Variants in CNTNAP2 observed in about 807,000 individuals in gnomAD.
CNTNAP2 encodes the protein contactin-associated protein-like 2.
In CNTNAP2, 98 loss-of-function variants were observed where a neutral mutation model predicts 155.2. The ratio of observed to expected loss-of-function variants is 0.63; its 90% CI spans 0.54 to 0.75. The LOEUF (loss-of-function observed/expected upper bound fraction) is 0.75, where lower values mean the gene tolerates loss of function less well. Ranked by LOEUF, CNTNAP2 falls within the 30% of genes least tolerant of loss-of-function variation. CNTNAP2 has a pLI of 0.00. For synonymous variants in CNTNAP2, 651 were observed against 631.2 expected (o/e 1.03, Z -0.47); for missense variants, 1,727 against 1,688.1 (o/e 1.02, Z -0.40).
chr7:148,027,249 A>G (rs775757913), intron 15 of CNTNAP2, among the ~76,000 whole-genome samples: 3 of 152,226 alleles, frequency 2.0e-5, no homozygotes, highest in Non-Finnish European at 2.9e-5. Flanking sequence ...TCAGATTAAT[A>G]TCTAGTTTTC....
intron 8 of CNTNAP2, among the ~76,000 whole-genome samples, chr7:147,299,902 G>A (rs975480774): frequency 6.6e-6 from 1 of 152,118 alleles, no homozygotes; most frequent in African/African-American, 2.4e-5. Context: ...GTACACAGCG[G>A]TATTAATACT....
At chr7:147,908,899 A>G (rs574013902) in intron 14 of CNTNAP2, among the ~76,000 whole-genome samples, 1 of 152,350 alleles carries the variant, frequency 6.6e-6, no homozygotes, top group East Asian at 1.9e-4. Context: ...GTGTGATCTA[A>G]GTCAGGATAT....
At chr7:147,855,833 G>A (rs1047457469) in intron 13 of CNTNAP2, among the ~76,000 whole-genome samples, 4 of 152,056 alleles carry the variant, frequency 2.6e-5, no homozygotes, top group East Asian at 1.9e-4. Flanking sequence ...ATTTCTGGTG[G>A]AGGCAACATT....
rs1800056722 is a variant in CNTNAP2, at chr7:148,419,112, CTT to C, written c.*3497_*3498del. 1 of 152,176 alleles carries C rather than the reference CTT, an allele frequency of 6.6e-6. No individual in the cohort carries two copies. The highest frequency in any genetic ancestry group is 2.4e-5 in the African/African-American group (1 of 41,454). The allele number at this position is 152,176 out of a possible 1,614,324, so 9.4% of individuals were successfully genotyped here. ...TCTTTTCTATCCTACTTTTTTCTCT[CTT>C]CCTCTCCTCACCACATTATACCCTG... On this transcript the variant is annotated 3_prime_UTR_variant, in exon 24 of 24. Transcript: ENST00000361727.
At chr7:146,465,134 CCA>C (rs35434111) in intron 1 of CNTNAP2, among the ~76,000 whole-genome samples, 25 of 149,526 alleles carry the variant, frequency 1.7e-4, no homozygotes, top group Admixed American at 4.0e-4. Flanking sequence ...CACACACACA[CCA>C]CACACACACA....
rs908738755 is a variant in CNTNAP2, at chr7:146,910,180, C to G, written c.402+70276C>G. Reference sequence around the variant, plus strand: ...GGATACAAAGAAATGGAAGAACATTCCATGCTCATGGGTAGGAAGAATCAA... The same window carrying G: ...GGATACAAAGAAATGGAAGAACATTGCATGCTCATGGGTAGGAAGAATCAA... On this transcript the variant is annotated intron_variant, in intron 3 of 23. Coordinates refer to ENST00000361727, the MANE Select transcript of CNTNAP2 (RefSeq NM_014141.6). Among the ~76,000 whole-genome samples, 693 of 137,062 alleles carry G rather than the reference C, an allele frequency of 5.1e-3. 14 individuals carry two copies. The highest frequency in any genetic ancestry group is 0.017 in the African/African-American group (633 of 38,012). The allele number at this position is 137,062 out of a possible 152,430, so 89.9% of individuals were successfully genotyped here. A position where few individuals can be genotyped will look rare whatever the true frequency, so the allele number is the denominator to read the frequency against.
At chr7:146,653,647 C>G (rs2129164291) in intron 1 of CNTNAP2, among the ~76,000 whole-genome samples, 1 of 152,198 alleles carries the variant, frequency 6.6e-6, no homozygotes, top group South Asian at 2.1e-4. Context: ...AAAAATGTTC[C>G]AATTCAAAAC....
rs929837851 is a variant in CNTNAP2 at position 146,539,322 on chromosome 7, A to G, written c.98-234949A>G. On this transcript the variant is annotated intron_variant, in intron 1 of 23. Transcript: ENST00000361727. ...GGAAGGGTTAATCAGCTTTTGGCAGAGATCAGCAAAATTTGCAAGCATTTT... is the reference window on the plus strand; with the variant it reads ...GGAAGGGTTAATCAGCTTTTGGCAGGGATCAGCAAAATTTGCAAGCATTTT... 2.0e-5 allele frequency among the ~76,000 whole-genome samples: 3 copies of G among 152,038 alleles called. No individual in the cohort carries two copies. The South Asian group carries it at 6.2e-4, about 32-fold the overall frequency.
At chr7:146,642,232 T>A (rs1323924644) in intron 1 of CNTNAP2, among the ~76,000 whole-genome samples, 1 of 151,890 alleles carries the variant, frequency 6.6e-6, no homozygotes, top group East Asian at 1.9e-4. Flanking sequence ...TATGTATACA[T>A]GTGCCATGCT....
chr7:148,328,460 C>T (rs1223446024), intron 21 of CNTNAP2, among the ~76,000 whole-genome samples: 10 of 152,120 alleles, frequency 6.6e-5, no homozygotes, highest in Non-Finnish European at 1.5e-4. Flanking sequence ...GTGCTGTTGT[C>T]GCATATGGCC....
intron 21 of CNTNAP2, among the ~76,000 whole-genome samples, chr7:148,302,803 C>T (rs200218504): frequency 6.9e-5 from 10 of 145,716 alleles, no homozygotes; most frequent in African/African-American, 2.5e-4. Flanking sequence ...ATTACTCAGT[C>T]TCGATTATTC....
At chr7:146,687,804 C>A (rs1800628123) in intron 1 of CNTNAP2, among the ~76,000 whole-genome samples, 1 of 152,162 alleles carries the variant, frequency 6.6e-6, no homozygotes, top group South Asian at 2.1e-4. Flanking sequence ...GCAAAACTTT[C>A]TTTGCTTTTG....
intron 8 of CNTNAP2, among the ~76,000 whole-genome samples, chr7:147,284,163 GT>G (rs941599513): frequency 3.2e-4 from 48 of 151,560 alleles, no homozygotes; most frequent in Admixed American, 3.3e-4. Context: ...TAAATAACGT[GT>G]TTTTTTCCCC....
chr7:146,975,271 C>G (rs907758955), intron 3 of CNTNAP2, among the ~76,000 whole-genome samples: 3 of 151,948 alleles, frequency 2.0e-5, no homozygotes, highest in Non-Finnish European at 2.9e-5. Context: ...TCGAGACCAC[C>G]CTGGCCAACA....
Position 148,301,306 on chromosome 7 carries a change from A to AAAAAAAAATAT in CNTNAP2, c.3475+34181_3475+34182insAAAAAAATATA. Among the ~76,000 whole-genome samples, 563 of 103,800 alleles carry AAAAAAAAATAT rather than the reference A, an allele frequency of 5.4e-3. 12 individuals are homozygous for AAAAAAAAATAT. The highest frequency in any genetic ancestry group is 0.02 in the African/African-American group (531 of 26,522). 68.1% of individuals were successfully genotyped at this position (103,800 alleles called of 152,430 possible). A position where few individuals can be genotyped will look rare whatever the true frequency, so the allele number is the denominator to read the frequency against. On this transcript the variant is annotated intron_variant, in intron 21 of 23. Transcript: ENST00000361727. Reference sequence around the variant, plus strand: ...GAGACTCCGTCTAAAAAAAAAAAAAAATATATATATATATATAGGTTAAAA... The same window carrying AAAAAAAAATAT: ...GAGACTCCGTCTAAAAAAAAAAAAAAAAAAAAAATATATATATATATATATATAGGTTAAAA...
chr7:147,682,963 G>T (rs1198776270), intron 13 of CNTNAP2, among the ~76,000 whole-genome samples: 1 of 151,700 alleles, frequency 6.6e-6, no homozygotes, highest in Non-Finnish European at 1.5e-5. Context: ...CATCTAAAGG[G>T]TTTACACACA....
At chr7:146,145,795 T>C (rs1295626598) in intron 1 of CNTNAP2, among the ~76,000 whole-genome samples, 1 of 152,216 alleles carries the variant, frequency 6.6e-6, no homozygotes. Flanking sequence ...TGTGTTTTAG[T>C]ATATCAGCTT....
At chr7:147,626,294 G>T (rs559260765) in intron 12 of CNTNAP2, among the ~76,000 whole-genome samples, 3 of 152,164 alleles carry the variant, frequency 2.0e-5, no homozygotes, top group East Asian at 1.9e-4. Context: ...CTCAGGCAAG[G>T]TCTTATTGGG....
chr7:146,991,681 C>T (rs1798209628), intron 3 of CNTNAP2, among the ~76,000 whole-genome samples: 1 of 152,088 alleles, frequency 6.6e-6, no homozygotes, highest in East Asian at 1.9e-4. Flanking sequence ...GAAAGTGCAA[C>T]ATAATGGTGA....
Sources: allele counts gnomAD v4.1 joint callset (sites outside exome capture counted in the v4.1 genomes callset), GRCh38; gene constraint gnomAD v4.1.1; transcripts MANE v1.5; gene names NCBI Gene and HGNC (gene_info 2026-07-23, HGNC 2026-07-21).